Variants in PMS1 observed in about 807,000 individuals in gnomAD.
The protein encoded by PMS1 is PMS1 homolog 1, mismatch repair system component, also known as PMS1 protein homolog 1.
PMS1 carries 79 observed loss-of-function variants against 93.1 expected under a neutral mutation model. That is an observed-to-expected ratio of 0.85 (90% CI 0.71 to 1.02). The LOEUF is 1.02. PMS1 is among the 50% of genes least tolerant of loss of function. The pLI, the probability that PMS1 is intolerant of heterozygous loss-of-function variation, is 0.00. For missense variants in PMS1, 1,064 were observed against 1,085.3 expected (o/e 0.98, Z 0.28); for synonymous variants, 335 against 363.4 (o/e 0.92, Z 0.89).
rs531650851 is a variant in PMS1 at position 189,796,073 on chromosome 2, C to T, written c.315+122C>T. 2.9e-5 allele frequency: 24 copies of T among 815,146 alleles called. No homozygotes were observed. In the African/African-American group the frequency reaches 3.1e-4, roughly 10 times the overall value. The allele number at this position is 815,146 out of a possible 1,614,324, so 50.5% of individuals were successfully genotyped here. A position where few individuals can be genotyped will look rare whatever the true frequency, so the allele number is the denominator to read the frequency against. ...TTTTATTATGGTAAAATATACATAA[C>T]ATAAGCCGGGCGAGGTGGCTCACGC... On this transcript the variant is annotated intron_variant, in intron 3 of 12. Transcript: ENST00000441310.
At chr2:189,838,274 A>G (rs1227376626) in intron 5 of PMS1, among the ~76,000 whole-genome samples, 1 of 152,216 alleles carries the variant, frequency 6.6e-6, no homozygotes, top group African/African-American at 2.4e-5. Flanking sequence ...TGTGACAACT[A>G]GCAGCCTTAT....
chr2:189,866,438 C>T (rs2056665265), intron 10 of PMS1, among the ~76,000 whole-genome samples: 1 of 152,078 alleles, frequency 6.6e-6, no homozygotes. Flanking sequence ...TGGAATGTGG[C>T]ATCCCCATCA....
chr2:189,828,482 C>T (rs2052643764), intron 5 of PMS1, among the ~76,000 whole-genome samples: 1 of 152,174 alleles, frequency 6.6e-6, no homozygotes, highest in African/African-American at 2.4e-5. Flanking sequence ...GCTTTAAACA[C>T]TCAATTGCAG....
At position 189,867,824 on chromosome 2, in the gene PMS1, G is replaced by A; in HGVS notation, c.2368G>A (p.Asp790Asn). ...ESLFNGSHYLDVLYKMTADDQ... is the reference protein window; with the variant it reads ...ESLFNGSHYLNVLYKMTADDQ... ...TCTTTTTAATGGATCTCATTATTTA[G>A]ACGTTTTATATAAAATGACAGCAGA... Residue 790 changes from aspartate to asparagine, a missense_variant, in exon 11 of 13, where the codon GAC becomes AAC. Coordinates refer to ENST00000441310, the MANE Select transcript of PMS1 (RefSeq NM_000534.5). 6.3e-7 allele frequency: 1 copy of A among 1,576,324 alleles called. No homozygotes were observed. Among genetic ancestry groups the A allele is most frequent in the Non-Finnish European group, 8.7e-7 (1 of 1,145,790 alleles).
At chr2:189,815,429 G>C (rs2051208600) in intron 4 of PMS1, among the ~76,000 whole-genome samples, 1 of 152,180 alleles carries the variant, frequency 6.6e-6, no homozygotes, top group Non-Finnish European at 1.5e-5. Context: ...AGAAGGTGGT[G>C]ATTGGCTCAT....
chr2:189,812,122 G>A (rs1347902997), intron 4 of PMS1, among the ~76,000 whole-genome samples: 1 of 152,128 alleles, frequency 6.6e-6, no homozygotes, highest in Non-Finnish European at 1.5e-5. Flanking sequence ...CCAACATGGC[G>A]AAACCCTGTT....
intron 5 of PMS1, among the ~76,000 whole-genome samples, chr2:189,826,157 T>C (rs2052407812): frequency 6.6e-6 from 1 of 152,190 alleles, no homozygotes; most frequent in African/African-American, 2.4e-5. Flanking sequence ...GTTTCGCCTG[T>C]GCTATGGGGA....
intron 4 of PMS1, among the ~76,000 whole-genome samples, chr2:189,814,974 C>T (rs2051160207): frequency 6.6e-6 from 1 of 151,886 alleles, no homozygotes; most frequent in African/African-American, 2.4e-5. Context: ...TGGCAGGTTC[C>T]TGTAGTCCCA....
rs5743114 is a variant in PMS1, at chr2:189,844,667, T to C, written c.699+587T>C. Among the ~76,000 whole-genome samples, 428 of 143,128 alleles carry C rather than the reference T, an allele frequency of 3.0e-3. 5 individuals are homozygous for C. The highest frequency in any genetic ancestry group is 0.011 in the African/African-American group (408 of 36,224). 93.9% of individuals were successfully genotyped at this position (143,128 alleles called of 152,430 possible). ...TCAAAAAAAAAAAAAAAAAAAACTG[T>C]TTTCCCCCACCTTTCCCATTCCAAA... On this transcript the variant is annotated intron_variant, in intron 6 of 12. Transcript: ENST00000441310.
At chr2:189,790,627 C>T (rs2048775100) in intron 1 of PMS1, among the ~76,000 whole-genome samples, 1 of 152,138 alleles carries the variant, frequency 6.6e-6, no homozygotes, top group South Asian at 2.1e-4. Flanking sequence ...TTCATAGTAC[C>T]TACTTTCTAT....
intron 5 of PMS1, among the ~76,000 whole-genome samples, chr2:189,837,015 A>G (rs2053436100): frequency 6.6e-6 from 1 of 152,246 alleles, no homozygotes. Flanking sequence ...TACATTAGTA[A>G]CACTGCAGGC....
chr2:189,838,601 A>T (rs1487770977), intron 5 of PMS1, among the ~76,000 whole-genome samples: 1 of 152,000 alleles, frequency 6.6e-6, no homozygotes, highest in Non-Finnish European at 1.5e-5. Flanking sequence ...CTCCACATGG[A>T]GTCAGTCATC....
intron 9 of PMS1, among the ~76,000 whole-genome samples, chr2:189,861,256 A>G (rs1350071319): frequency 6.6e-6 from 1 of 152,030 alleles, no homozygotes; most frequent in Non-Finnish European, 1.5e-5. Flanking sequence ...ATGCATCCTT[A>G]TAATCTACTT....
At chr2:189,844,342 A>G (rs1157555725) in intron 6 of PMS1, among the ~76,000 whole-genome samples, 3 of 152,068 alleles carry the variant, frequency 2.0e-5, no homozygotes, top group Non-Finnish European at 4.4e-5. Context: ...TTTACTTTCT[A>G]CTATAAAAGA....
chr2:189,806,429 A>G, intron 4 of PMS1: 1 of 320,018 alleles, frequency 3.1e-6, no homozygotes, highest in Non-Finnish European at 6.1e-6. Flanking sequence ...ACAGGGTCTC[A>G]CTCTGTCACA....
At chr2:189,817,822 G>A (rs980707720) in intron 4 of PMS1, among the ~76,000 whole-genome samples, 195 bp from the exon 5 acceptor site, 3 of 152,146 alleles carry the variant, frequency 2.0e-5, no homozygotes, top group South Asian at 2.1e-4. Flanking sequence ...GTCATACTTC[G>A]TAGGTCAGTC....
intron 9 of PMS1, among the ~76,000 whole-genome samples, chr2:189,860,969 A>G (rs1312390472): frequency 6.6e-6 from 1 of 151,466 alleles, no homozygotes; most frequent in Non-Finnish European, 1.5e-5. Context: ...TCGTCTTTAC[A>G]TTTAAAGTGT....
At chr2:189,838,178 G>T (rs1338690211) in intron 5 of PMS1, among the ~76,000 whole-genome samples, 1 of 152,156 alleles carries the variant, frequency 6.6e-6, no homozygotes, top group Non-Finnish European at 1.5e-5. Context: ...AAACTGTTAT[G>T]TTAAGAGGAA....
chr2:189,844,156 A>G, intron 6 of PMS1, 76 bp downstream of exon 6: 7 of 1,603,528 alleles, frequency 4.4e-6, no homozygotes, highest in Admixed American at 1.7e-5. Context: ...TGGGGGAGTT[A>G]CAGTGGCAAG....
Sources: allele counts gnomAD v4.1 joint callset (sites outside exome capture counted in the v4.1 genomes callset), GRCh38; gene constraint gnomAD v4.1.1; transcripts MANE v1.5; gene names NCBI Gene and HGNC (gene_info 2026-07-23, HGNC 2026-07-21).